GZMK: variants seen among roughly 807,000 people sequenced by gnomAD.
GZMK encodes the protein granzyme K.
GZMK carries 18 observed loss-of-function variants against 22.8 expected under a neutral mutation model. The observed-to-expected ratio is 0.79, with a 90% confidence interval of 0.54 to 1.17. The LOEUF is 1.17. GZMK is among the 50% of genes most tolerant of loss of function. GZMK has a pLI of 0.00. For synonymous variants in GZMK, 136 were observed against 115.0 expected, an observed-to-expected ratio of 1.18 and a Z score of -1.17; for missense variants, 342 against 320.2, an observed-to-expected ratio of 1.07 and a Z score of -0.52.
intron 4 of GZMK, 151 bp downstream of exon 4, chr5:55,031,784 A>T: frequency 1.6e-6 from 1 of 633,594 alleles, no homozygotes; most frequent in Non-Finnish European, 2.7e-6. Context: ...AGCATTCTCT[A>T]TTCTTTTTCA....
Position 55,030,471 on chromosome 5 carries a change from G to T in GZMK, c.250G>T (p.Ala84Ser), listed in dbSNP as rs545769925. Reference protein sequence around the residue: ...KGQSPTVVLGAHSLSKNEASK... With the variant: ...KGQSPTVVLGSHSLSKNEASK... ...CCAGTCTCCCACTGTGGTTTTAGGC[G>T]CACACTCTCTCTCAAAGAATGAGGC... The change falls in exon 3 of 5, where the codon GCA becomes TCA. Residue 84 changes from alanine to serine, a missense_variant. Physicochemically the swap from Ala to Ser is moderately conservative, Grantham distance 99. Coordinates refer to ENST00000231009, the MANE Select transcript of GZMK (RefSeq NM_002104.3). 2 of 1,613,302 alleles carry T rather than the reference G, an allele frequency of 1.2e-6. No individual in the cohort carries two copies. Among genetic ancestry groups the T allele is most frequent in the African/African-American group, 1.3e-5 (1 of 74,852 alleles).
chr5:55,027,984 C>T (rs1741164728), intron 2 of GZMK, among the ~76,000 whole-genome samples: 1 of 152,134 alleles, frequency 6.6e-6, no homozygotes, highest in African/African-American at 2.4e-5. Context: ...GAAAATTTGA[C>T]CTGAGTAGCA....
intron 2 of GZMK, among the ~76,000 whole-genome samples, chr5:55,026,093 A>T (rs989228080): frequency 2.6e-5 from 4 of 152,236 alleles, no homozygotes; most frequent in Non-Finnish European, 5.9e-5. Context: ...ATCTTCAAAT[A>T]TGCTCATAAT....
chr5:55,030,779 G>C (rs1410647022), intron 3 of GZMK, among the ~76,000 whole-genome samples, 195 bp downstream of exon 3: 1 of 152,110 alleles, frequency 6.6e-6, no homozygotes, highest in African/African-American at 2.4e-5. Context: ...AAATGCACCA[G>C]GGCTGTGTTT....
intron 2 of GZMK, among the ~76,000 whole-genome samples, chr5:55,026,129 C>A (rs532577058): frequency 6.6e-6 from 1 of 152,278 alleles, no homozygotes; most frequent in Non-Finnish European, 1.5e-5. Context: ...CTATAACCTC[C>A]CCAGACACAG....
At position 55,024,657 on chromosome 5, in the gene GZMK, T is replaced by C. The variant is rs1580297674; in HGVS notation, c.65-3T>C. ...TGTGAAACCTTTTGGTCTACTTTTG[T>C]AGGTTTCAATATGGAAATTATTGGA... On this transcript the variant is annotated splice_region_variant and splice_polypyrimidine_tract_variant and intron_variant, in intron 1 of 4. Coordinates refer to ENST00000231009, the MANE Select transcript of GZMK (RefSeq NM_002104.3). 6.3e-7 allele frequency: 1 copy of C among 1,598,248 alleles called. No individual in the cohort carries two copies. Among genetic ancestry groups the C allele is most frequent in the Non-Finnish European group, 8.6e-7 (1 of 1,167,616 alleles).
In GZMK at chr5:55,031,712, G is replaced by A. The variant is rs978895453; in HGVS notation, c.633+79G>A. 1.1e-5 allele frequency: 13 copies of A among 1,146,914 alleles called. No homozygotes were observed. In the African/African-American group the frequency reaches 1.7e-4, roughly 15 times the overall value. The allele number at this position is 1,146,914 out of a possible 1,614,324, so 71.0% of individuals were successfully genotyped here. On this transcript the variant is annotated intron_variant, in intron 4 of 4. Transcript: ENST00000231009. ...CTCTATTGCTCACTGACACTGAGGA[G>A]GAGGGAGGGGCATGGAGAATACAAA...
At chr5:55,024,901 A>C in intron 2 of GZMK, 94 bp downstream of exon 2, 1 of 746,120 alleles carries the variant, frequency 1.3e-6, no homozygotes, top group Non-Finnish European at 2.1e-6. Context: ...AATTTGATCT[A>C]CTGTTAGCTT....
In GZMK at chr5:55,031,582, C is replaced by T; in HGVS notation, c.582C>T (p.Thr194=). 1 of 1,613,814 alleles carries T rather than the reference C, an allele frequency of 6.2e-7. No individual in the cohort carries two copies. Among genetic ancestry groups the T allele is most frequent in the Non-Finnish European group, 8.5e-7 (1 of 1,179,752 alleles). ...QSYYNGDPFI[T]KDMVCAGDAK... ...ACTACAACGGCGACCCTTTTATCAC[C>T]AAAGACATGGTCTGTGCAGGAGATG... Residue 194 remains threonine (T), a synonymous_variant, in exon 4 of 5, where the codon ACC becomes ACT. Transcript: ENST00000231009.
In GZMK at chr5:55,030,443, A is replaced by G; in HGVS notation, c.222A>G (p.Lys74=). 6.2e-7 allele frequency: 1 copy of G among 1,612,506 alleles called. No homozygotes were observed. ...TCTTTGCTTTTTTTAGGTTTACCAA[A>G]GGCCAGTCTCCCACTGTGGTTTTAG... ...TAAHCQYRFT[K]GQSPTVVLGA... Residue 74 remains lysine, a synonymous_variant, in exon 3 of 5, where the codon AAA becomes AAG. Transcript: ENST00000231009.
At chr5:55,025,160 T>G (rs1435519745) in intron 2 of GZMK, 1 of 168,006 alleles carries the variant, frequency 6.0e-6, no homozygotes, top group Non-Finnish European at 1.3e-5. Context: ...TGCTCTGAGC[T>G]TCCCCATTTT....
chr5:55,030,512 G>A lies in GZMK; in HGVS notation c.291G>A (p.Leu97=). ...AGAATGAGGCCTCCAAACAAACACT[G>A]GAGATCAAAAAATTTATACCATTCT... The part of the protein sequence containing the change: ...LSKNEASKQT[L]EIKKFIPFSR... The change falls in exon 3 of 5, where the codon CTG becomes CTA. Residue 97 remains leucine, a synonymous_variant. Transcript: ENST00000231009. 3 of 1,612,078 alleles carry A rather than the reference G, an allele frequency of 1.9e-6. No individual in the cohort carries two copies. The highest frequency in any genetic ancestry group is 2.5e-6 in the Non-Finnish European group (3 of 1,178,164).
intron 2 of GZMK, among the ~76,000 whole-genome samples, chr5:55,027,415 G>T (rs1741157149): frequency 6.6e-6 from 1 of 152,170 alleles, no homozygotes; most frequent in Non-Finnish European, 1.5e-5. Flanking sequence ...CAGACCTCAA[G>T]GGGCGGGTCT....
chr5:55,029,972 T>G (rs1485509469), intron 2 of GZMK, among the ~76,000 whole-genome samples: 1 of 152,192 alleles, frequency 6.6e-6, no homozygotes, highest in Non-Finnish European at 1.5e-5. Flanking sequence ...AACTGTACAT[T>G]AAAGAATGGT....
chr5:55,027,463 GAGAAA>G (rs1432019350), intron 2 of GZMK: 1 of 152,356 alleles, frequency 6.6e-6, no homozygotes, highest in Non-Finnish European at 1.5e-5. Flanking sequence ...CGCGCTGGCA[GAGAAA>G]AGAAGAGGCT....
At chr5:55,028,553 AT>A (rs1741172283) in intron 2 of GZMK, 1 of 149,722 alleles carries the variant, frequency 6.7e-6, no homozygotes, top group Non-Finnish European at 1.5e-5. Flanking sequence ...GGCATTTGCC[AT>A]TTTCAAATCT....
At chr5:55,031,940 C>A (rs1008697072) in intron 4 of GZMK, among the ~76,000 whole-genome samples, 1 of 152,164 alleles carries the variant, frequency 6.6e-6, no homozygotes, top group Non-Finnish European at 1.5e-5. Context: ...AGTCTACCAA[C>A]CCTGAAGTCA....
Position 55,034,016 on chromosome 5 carries a change from T to C in GZMK, c.*90T>C, listed in dbSNP as rs1015990231. On this transcript the variant is annotated 3_prime_UTR_variant, in exon 5 of 5. Coordinates refer to ENST00000231009, the MANE Select transcript of GZMK (RefSeq NM_002104.3). ...GGGTGTAAGTAAAGCAGAGCACATATGGGGTCCATTTTTGCACTTGTAAGT... is the reference window on the plus strand; with the variant it reads ...GGGTGTAAGTAAAGCAGAGCACATACGGGGTCCATTTTTGCACTTGTAAGT... 4 of 932,172 alleles carry C rather than the reference T, an allele frequency of 4.3e-6. No homozygotes were observed. The highest frequency in any genetic ancestry group is 5.5e-5 in the Admixed American group (2 of 36,606). The allele number at this position is 932,172 out of a possible 1,614,324, so 57.7% of individuals were successfully genotyped here.
In GZMK at chr5:55,030,965, A is replaced by T. The variant is rs145444246; in HGVS notation, c.363+381A>T. Among the ~76,000 whole-genome samples, 688 of 152,340 alleles carry T rather than the reference A, an allele frequency of 4.5e-3. 9 individuals are homozygous for T. Among genetic ancestry groups the T allele is most frequent in the African/African-American group, 0.015 (644 of 41,574 alleles). On this transcript the variant is annotated intron_variant, in intron 3 of 4. Coordinates refer to ENST00000231009, the MANE Select transcript of GZMK (RefSeq NM_002104.3). ...AAGTGACTTCGGGGGCTCAGCAGTG[A>T]GTTACAGCTTAGTCTAGACCACACT... is the stretch of plus-strand genomic sequence containing the variant.
Sources: gnomAD v4.1 joint callset for allele counts (sites outside exome capture counted in the v4.1 genomes callset) on GRCh38, gnomAD v4.1.1 for gene constraint, MANE v1.5 for transcripts, NCBI Gene and HGNC (gene_info 2026-07-23, HGNC 2026-07-21) for gene names.